GRID2: variants seen among roughly 807,000 people sequenced by gnomAD.
GRID2 encodes glutamate receptor ionotropic, delta-2.
In GRID2, 33 loss-of-function variants were observed where a neutral mutation model predicts 114.8. The ratio of observed to expected loss-of-function variants is 0.29; its 90% confidence interval spans 0.22 to 0.38. GRID2 has a LOEUF of 0.38. GRID2 is among the 10% of genes least tolerant of loss of function. The pLI is 1.00. For missense variants in GRID2, 1,184 were observed against 1,257.7 expected (o/e 0.94, Z 0.89); for synonymous variants, 505 against 449.9 (o/e 1.12, Z -1.55).
intron 14 of GRID2, among the ~76,000 whole-genome samples, chr4:93,765,036 G>A (rs1733530069): frequency 6.6e-6 from 1 of 152,134 alleles, no homozygotes; most frequent in Admixed American, 6.6e-5. Context: ...AAGGGCCAGT[G>A]CTTTGGGAAG....
At chr4:92,573,586 G>A (rs578135478) in intron 1 of GRID2, among the ~76,000 whole-genome samples, 84 of 152,232 alleles carry the variant, frequency 5.5e-4, no homozygotes, top group African/African-American at 1.9e-3. Flanking sequence ...AGTCATTCAG[G>A]AGCAGGTTGT....
chr4:92,593,958 A>T (rs1367612796), intron 2 of GRID2, among the ~76,000 whole-genome samples: 1 of 151,492 alleles, frequency 6.6e-6, no homozygotes, highest in African/African-American at 2.4e-5. Flanking sequence ...GGTTATTTTT[A>T]AAAACCTTGA....
chr4:93,075,826 G>A (rs1259972072), intron 2 of GRID2, among the ~76,000 whole-genome samples: 1 of 140,068 alleles, frequency 7.1e-6, no homozygotes, highest in Non-Finnish European at 1.5e-5. Context: ...ATGAAGTTAT[G>A]TATAATGCTT....
intron 2 of GRID2, among the ~76,000 whole-genome samples, chr4:92,916,804 G>C (rs959405132): frequency 6.6e-5 from 10 of 152,140 alleles, no homozygotes; most frequent in African/African-American, 2.4e-4. Context: ...GTTGTGAATA[G>C]TGCCGCAATA....
intron 14 of GRID2, among the ~76,000 whole-genome samples, chr4:93,650,642 T>G (rs1273461593): frequency 6.6e-6 from 1 of 152,192 alleles, no homozygotes; most frequent in Non-Finnish European, 1.5e-5. Flanking sequence ...AAGCAAATGC[T>G]TTTTAGATTC....
intron 1 of GRID2, among the ~76,000 whole-genome samples, chr4:92,548,362 A>T (rs1414159940): frequency 7.0e-6 from 1 of 142,776 alleles, no homozygotes; most frequent in South Asian, 2.2e-4. Context: ...GTATTAGTCC[A>T]TTCTCAAACT....
At chr4:93,501,154 C>T (rs922036739) in intron 12 of GRID2, among the ~76,000 whole-genome samples, 1 of 151,916 alleles carries the variant, frequency 6.6e-6, no homozygotes, top group Non-Finnish European at 1.5e-5. Flanking sequence ...TGTGAAACTC[C>T]ATGACTTGTA....
At chr4:92,652,855 TATATAAATAC>T (rs1732016411) in intron 2 of GRID2, among the ~76,000 whole-genome samples, 2 of 111,134 alleles carry the variant, frequency 1.8e-5, no homozygotes, top group Non-Finnish European at 3.8e-5. Context: ...ATATATATAA[TATATAAATAC>T]ATATAAATAT....
chr4:93,174,047 A>G (rs1739108487), intron 4 of GRID2, among the ~76,000 whole-genome samples: 1 of 152,192 alleles, frequency 6.6e-6, no homozygotes, highest in South Asian at 2.1e-4. Context: ...CGTCTTACAT[A>G]ACAAGAGCAC....
At chr4:92,931,965 T>G (rs1255971242) in intron 2 of GRID2, among the ~76,000 whole-genome samples, 2 of 151,184 alleles carry the variant, frequency 1.3e-5, no homozygotes, top group African/African-American at 4.8e-5. Flanking sequence ...CACATAAAAT[T>G]AATTTGGGAT....
At chr4:93,739,130 G>A (rs961982856) in intron 14 of GRID2, among the ~76,000 whole-genome samples, 19 of 152,106 alleles carry the variant, frequency 1.2e-4, no homozygotes, top group African/African-American at 4.3e-4. Flanking sequence ...TCTTTGCTAA[G>A]CGTTGGTGAA....
chr4:93,661,264 C>T (rs747495071), intron 14 of GRID2, among the ~76,000 whole-genome samples: 4 of 152,122 alleles, frequency 2.6e-5, no homozygotes, highest in African/African-American at 4.8e-5. Flanking sequence ...TGAGTTTGCT[C>T]GATGCTTAAG....
intron 1 of GRID2, among the ~76,000 whole-genome samples, chr4:92,336,923 C>T (rs1727203790): frequency 8.0e-6 from 1 of 125,378 alleles, no homozygotes; most frequent in African/African-American, 3.0e-5. Context: ...GTCTTTTTGG[C>T]TTTACGGACC....
rs112981655 is a variant in GRID2 at position 92,680,733 on chromosome 4, T to C, written c.244+90447T>C. Among the ~76,000 whole-genome samples, 690 of 152,282 alleles carry C rather than the reference T, an allele frequency of 4.5e-3. 4 individuals carry two copies. Among genetic ancestry groups the C allele is most frequent in the African/African-American group, 0.016 (662 of 41,568 alleles). ...GAGAACCCTTAGGTAAAGTCACTAA[T>C]GAAAATGCACAGTTTAATCCCAGAC... On this transcript the variant is annotated intron_variant, in intron 2 of 15. Transcript: ENST00000282020.
chr4:93,290,872 C>CTT (rs56735687), intron 8 of GRID2, among the ~76,000 whole-genome samples: 11,196 of 88,408 alleles, frequency 0.13, 1,253 homozygotes, highest in African/African-American at 0.19. Context: ...ATACAAGTTA[C>CTT]TTTTTTTTTT....
At position 93,084,982 on chromosome 4, in the gene GRID2, T is replaced by C. The variant is rs1730201184; in HGVS notation, c.245-13T>C. 1 of 1,609,954 alleles carries C rather than the reference T, an allele frequency of 6.2e-7. No individual in the cohort carries two copies. Among genetic ancestry groups the C allele is most frequent in the African/African-American group, 1.3e-5 (1 of 74,874 alleles). Reference sequence around the variant, plus strand: ...CCCACTGACATTTTGAATATTACTGTGCTTTCTTGCAGCCTGTGAACTTAT... The same window carrying C: ...CCCACTGACATTTTGAATATTACTGCGCTTTCTTGCAGCCTGTGAACTTAT... On this transcript the variant is annotated splice_polypyrimidine_tract_variant and intron_variant, in intron 2 of 15. Coordinates refer to ENST00000282020, the MANE Select transcript of GRID2 (RefSeq NM_001510.4).
chr4:92,532,283 T>C (rs1348507619), intron 1 of GRID2, among the ~76,000 whole-genome samples: 3 of 152,154 alleles, frequency 2.0e-5, no homozygotes, highest in Non-Finnish European at 2.9e-5. Flanking sequence ...AATATACAAT[T>C]GTCCAATGAT....
chr4:92,629,960 T>G (rs1475887608), intron 2 of GRID2, among the ~76,000 whole-genome samples: 1 of 149,154 alleles, frequency 6.7e-6, no homozygotes, highest in African/African-American at 2.4e-5. Flanking sequence ...ATAACAACAT[T>G]TATAAAATTT....
At chr4:93,615,745 T>G (rs1347199221) in intron 13 of GRID2, among the ~76,000 whole-genome samples, 1 of 152,038 alleles carries the variant, frequency 6.6e-6, no homozygotes, top group Non-Finnish European at 1.5e-5. Context: ...AGTAAAAAAG[T>G]TTTGAAGTAG....
Sources: allele counts gnomAD v4.1 joint callset (sites outside exome capture counted in the v4.1 genomes callset), GRCh38; gene constraint gnomAD v4.1.1; transcripts MANE v1.5; gene names NCBI Gene and HGNC (gene_info 2026-07-23, HGNC 2026-07-21).